Variants in PARP8 observed in about 807,000 individuals in gnomAD.
PARP8 encodes poly(ADP-ribose) polymerase family member 8, also known as protein mono-ADP-ribosyltransferase PARP8.
PARP8 carries 51 observed loss-of-function variants against 124.1 expected under a neutral mutation model. The observed-to-expected ratio is 0.41, with a 90% CI of 0.33 to 0.52. The LOEUF is 0.52. Ranked by LOEUF, PARP8 falls within the 20% of genes least tolerant of loss-of-function variation. PARP8 has a pLI of 0.21. For missense variants in PARP8, 860 were observed against 1,018.9 expected (o/e 0.84, Z 2.12); for synonymous variants, 391 against 361.5 (o/e 1.08, Z -0.93).
In PARP8 at chr5:50,846,365, CAA is replaced by C. The variant is rs1748613428; in HGVS notation, c.*4298_*4299del. On this transcript the variant is annotated 3_prime_UTR_variant, in exon 26 of 26. Coordinates refer to ENST00000281631, the MANE Select transcript of PARP8 (RefSeq NM_024615.4). ...AATATGTACATAATGTAAATACTGC[CAA>C]GAGATCAGTAAGGCCAAATATTTTC... 6.6e-6 allele frequency: 1 copy of C among 151,650 alleles called. No homozygotes were observed. Among genetic ancestry groups the C allele is most frequent in the Non-Finnish European group, 1.5e-5 (1 of 67,794 alleles). The allele number at this position is 151,650 out of a possible 1,614,324, so 9.4% of individuals were successfully genotyped here. A position where few individuals can be genotyped will look rare whatever the true frequency, so the allele number is the denominator to read the frequency against.
intron 9 of PARP8, among the ~76,000 whole-genome samples, chr5:50,781,704 A>G (rs1331062360): frequency 1.3e-5 from 2 of 152,126 alleles, no homozygotes; most frequent in Admixed American, 1.3e-4. Flanking sequence ...GGGAGTGCAG[A>G]TAAGTACTTG....
rs1232993053 is a variant in PARP8 at position 50,826,832 on chromosome 5, G to A, written c.1977+29G>A. On this transcript the variant is annotated intron_variant, in intron 19 of 25. Coordinates refer to ENST00000281631, the MANE Select transcript of PARP8 (RefSeq NM_024615.4). Reference sequence around the variant, plus strand: ...AGTTGTTTTTTTTTTTTTTACATATGCATACAGAAATGGGAGGAGTACTTA... The same window carrying A: ...AGTTGTTTTTTTTTTTTTTACATATACATACAGAAATGGGAGGAGTACTTA... 4.4e-6 allele frequency: 7 copies of A among 1,575,134 alleles called. No homozygotes were observed. The Admixed American group carries it at 1.1e-4, about 26-fold the overall frequency.
chr5:50,785,380 T>TA (rs1171586963), intron 9 of PARP8, among the ~76,000 whole-genome samples: 8 of 152,220 alleles, frequency 5.3e-5, no homozygotes, highest in Admixed American at 5.2e-4. Context: ...ATATGTATCA[T>TA]ACGCAGTTTT....
intron 9 of PARP8, among the ~76,000 whole-genome samples, chr5:50,785,112 G>A (rs144795772): frequency 1.3e-5 from 2 of 151,940 alleles, no homozygotes; most frequent in East Asian, 1.9e-4. Context: ...TACAAATTGC[G>A]AATTTTGGAA....
intron 2 of PARP8, among the ~76,000 whole-genome samples, chr5:50,735,632 C>T (rs1408990327): frequency 6.6e-6 from 1 of 151,932 alleles, no homozygotes; most frequent in Non-Finnish European, 1.5e-5. Flanking sequence ...ATTCAATGTC[C>T]CTGACAAGGG....
chr5:50,732,565 A>G (rs1757073718), intron 2 of PARP8, among the ~76,000 whole-genome samples: 1 of 152,132 alleles, frequency 6.6e-6, no homozygotes, highest in Non-Finnish European at 1.5e-5. Flanking sequence ...TGTTATTTTA[A>G]TGATAATGTA....
intron 2 of PARP8, among the ~76,000 whole-genome samples, chr5:50,713,480 A>G (rs909402936): frequency 6.6e-6 from 1 of 151,832 alleles, no homozygotes; most frequent in Non-Finnish European, 1.5e-5. Flanking sequence ...GGCTCATGTG[A>G]TTTGCTCCCC....
intron 7 of PARP8, 169 bp downstream of exon 7, chr5:50,763,411 T>G (rs1359584223): frequency 1.4e-5 from 8 of 570,734 alleles, no homozygotes; most frequent in Non-Finnish European, 2.5e-5. Context: ...TGGCTATTTT[T>G]TTGATACATG....
At position 50,804,889 on chromosome 5, in the gene PARP8, G is replaced by C. The variant is rs1019477337; in HGVS notation, c.1575+7656G>C. Among the ~76,000 whole-genome samples the C allele has an allele frequency of 3.9e-5, 6 of 151,912 alleles. No homozygotes were observed. The South Asian group carries it at 1.0e-3, about 26-fold the overall frequency. On this transcript the variant is annotated intron_variant, in intron 14 of 25. Transcript: ENST00000281631. The stretch of plus-strand genomic sequence containing the variant: ...CTTCAGCCTCAAAGAGTGCGTTTAC[G>C]TAGAGTTAAATAAGTGCTGACAACA...
rs1235174546 is a variant in PARP8, at chr5:50,794,267, G to A, written c.798G>A (p.Leu266=). ...AGAGCAAAGAAAAATCCAATTGCCT[G>A]CACAATAAAAAGTTGTCAGAGAAGA... ...WKQSKEKSNC[L]HNKKLSEKKV... Residue 266 remains leucine, a synonymous_variant, in exon 11 of 26, where the codon CTG becomes CTA. Coordinates refer to ENST00000281631, the MANE Select transcript of PARP8 (RefSeq NM_024615.4). 1 of 1,613,496 alleles carries A rather than the reference G, an allele frequency of 6.2e-7. No individual in the cohort carries two copies.
chr5:50,771,125 A>G (rs960994159), intron 7 of PARP8, among the ~76,000 whole-genome samples: 1 of 150,506 alleles, frequency 6.6e-6, no homozygotes, highest in Non-Finnish European at 1.5e-5. Flanking sequence ...ATACACACAC[A>G]CATATATATA....
At chr5:50,817,913 G>A (rs1171275224) in intron 15 of PARP8, among the ~76,000 whole-genome samples, 3 of 152,068 alleles carry the variant, frequency 2.0e-5, no homozygotes, top group Non-Finnish European at 4.4e-5. Flanking sequence ...TCCTTTGGAG[G>A]CACCTGATTC....
chr5:50,775,002 C>T (rs568315831), intron 7 of PARP8, among the ~76,000 whole-genome samples: 23 of 147,920 alleles, frequency 1.6e-4, no homozygotes, highest in African/African-American at 4.8e-4. Context: ...AGATGATGGG[C>T]GGCCAGGCAG....
chr5:50,779,175 CCACACATACA>C (rs1330006799), intron 9 of PARP8, among the ~76,000 whole-genome samples: 13 of 151,988 alleles, frequency 8.6e-5, no homozygotes, highest in East Asian at 5.8e-4. Flanking sequence ...CTACCTACTA[CCACACATACA>C]CACACATACA....
At chr5:50,759,586 A>G in intron 3 of PARP8, 57 bp from the exon 4 acceptor site, 1 of 1,482,966 alleles carries the variant, frequency 6.7e-7, no homozygotes, top group South Asian at 1.4e-5. Flanking sequence ...TTATTTTTGT[A>G]AAGGATGTAT....
At chr5:50,702,269 A>G (rs1753680961) in intron 2 of PARP8, among the ~76,000 whole-genome samples, 1 of 152,186 alleles carries the variant, frequency 6.6e-6, no homozygotes, top group African/African-American at 2.4e-5. Context: ...ACAGTTGATC[A>G]CATAATTGCA....
intron 2 of PARP8, among the ~76,000 whole-genome samples, chr5:50,684,920 G>A (rs557215884): frequency 6.4e-4 from 98 of 152,272 alleles, no homozygotes; most frequent in African/African-American, 2.2e-3. Flanking sequence ...GTTCTGTTTC[G>A]TGGAGACAGT....
At chr5:50,784,386 C>A (rs1741007250) in intron 9 of PARP8, among the ~76,000 whole-genome samples, 3 of 152,036 alleles carry the variant, frequency 2.0e-5, no homozygotes, top group Non-Finnish European at 4.4e-5. Context: ...TAATTTGTCT[C>A]TTTTATGATA....
chr5:50,832,214 C>T (rs574397445), intron 22 of PARP8, among the ~76,000 whole-genome samples: 1 of 152,116 alleles, frequency 6.6e-6, no homozygotes, highest in African/African-American at 2.4e-5. Context: ...ACAAATCTAC[C>T]TATTCTAAAA....
Sources: gnomAD v4.1 joint callset for allele counts (sites outside exome capture counted in the v4.1 genomes callset) on GRCh38, gnomAD v4.1.1 for gene constraint, MANE v1.5 for transcripts, NCBI Gene and HGNC (gene_info 2026-07-23, HGNC 2026-07-21) for gene names.